Variants in PPIG observed in about 807,000 individuals in gnomAD.
PPIG encodes peptidylprolyl isomerase G.
A neutral mutation model predicts 87.9 loss-of-function variants in PPIG; 26 were observed. The ratio of observed to expected loss-of-function variants is 0.30; its 90% CI spans 0.22 to 0.41. The LOEUF is 0.41. Among genes scored for constraint, PPIG ranks in the 10% least tolerant of loss-of-function variants. The probability of loss-of-function intolerance (pLI) is 1.00; values close to 1 mark genes in which losing one functional copy is unlikely to be tolerated. For synonymous variants in PPIG, 308 were observed against 276.5 expected, an observed-to-expected ratio of 1.11 and a Z score of -1.13; for missense variants, 722 against 879.4, an observed-to-expected ratio of 0.82 and a Z score of 2.26.
rs762388907 is a variant in PPIG at position 169,631,005 on chromosome 2, C to A, written c.761+18C>A. ...AAGAAGAGGTCTTAATTTTACTTTT[C>A]TAATGCTAGCTTTATATTCTGATTT... On this transcript the variant is annotated intron_variant, in intron 10 of 13. Transcript: ENST00000260970. 1 of 1,538,366 alleles carries A rather than the reference C, an allele frequency of 6.5e-7. No homozygotes were observed. The highest frequency in any genetic ancestry group is 1.4e-5 in the African/African-American group (1 of 71,608).
chr2:169,600,424 C>T (rs1218508627), intron 1 of PPIG, among the ~76,000 whole-genome samples: 4 of 152,274 alleles, frequency 2.6e-5, no homozygotes, highest in Non-Finnish European at 1.5e-5. Flanking sequence ...GTACCTCTTA[C>T]CCAAAATGCT....
intron 9 of PPIG, among the ~76,000 whole-genome samples, chr2:169,625,937 G>C (rs762991844): frequency 9.9e-5 from 15 of 152,074 alleles, no homozygotes; most frequent in Admixed American, 2.6e-4. Context: ...AAAATCTAAT[G>C]CTGTCACTGA....
intron 1 of PPIG, among the ~76,000 whole-genome samples, chr2:169,596,420 A>C (rs960529941): frequency 6.6e-6 from 1 of 152,056 alleles, no homozygotes; most frequent in South Asian, 2.1e-4. Flanking sequence ...TTGTGTTTTG[A>C]GTGGCCTAAA....
intron 1 of PPIG, among the ~76,000 whole-genome samples, chr2:169,601,939 G>GTA (rs1685195652): frequency 1.3e-5 from 2 of 151,562 alleles, no homozygotes; most frequent in Non-Finnish European, 2.9e-5. Context: ...TTTTTGTTTA[G>GTA]TATATTTTGA....
At position 169,631,652 on chromosome 2, in the gene PPIG, G is replaced by C. The variant is rs1487955185; in HGVS notation, c.762-114G>C. On this transcript the variant is annotated intron_variant, in intron 10 of 13. Coordinates refer to ENST00000260970, the MANE Select transcript of PPIG (RefSeq NM_004792.3). Reference sequence around the variant, plus strand: ...TCCCATGCGATCACATCTTTGGTAAGGACAGGATGTTTATATTATAGTGAT... The same window carrying C: ...TCCCATGCGATCACATCTTTGGTAACGACAGGATGTTTATATTATAGTGAT... 1.5e-5 allele frequency: 23 copies of C among 1,543,510 alleles called. No individual in the cohort carries two copies. The Admixed American group carries it at 5.2e-4, about 35-fold the overall frequency.
intron 7 of PPIG, 151 bp from the exon 8 acceptor site, chr2:169,614,313 A>T: frequency 2.9e-6 from 2 of 693,538 alleles, no homozygotes; most frequent in Non-Finnish European, 4.9e-6. Context: ...TCTACTTAAG[A>T]TTGAGGTAAT....
In PPIG at chr2:169,638,747, A is replaced by G. The variant is rs566394432; in HGVS notation, c.*1224A>G. On this transcript the variant is annotated 3_prime_UTR_variant, in exon 14 of 14. Transcript: ENST00000260970. Reference sequence around the variant, plus strand: ...TAGTTTACAGAGTTAAACACTAAACATATCCAAAGTCCATTTAGAGTTTTG... The same window carrying G: ...TAGTTTACAGAGTTAAACACTAAACGTATCCAAAGTCCATTTAGAGTTTTG... 3.9e-5 allele frequency: 6 copies of G among 152,166 alleles called. No homozygotes were observed. The East Asian group carries it at 9.6e-4, about 24-fold the overall frequency. The allele number at this position is 152,166 out of a possible 1,614,324, so 9.4% of individuals were successfully genotyped here. A position where few individuals can be genotyped will look rare whatever the true frequency, so the allele number is the denominator to read the frequency against.
chr2:169,596,776 T>C (rs563719827), intron 1 of PPIG, among the ~76,000 whole-genome samples: 37 of 152,186 alleles, frequency 2.4e-4, no homozygotes, highest in Non-Finnish European at 4.7e-4. Flanking sequence ...CTCAGCTCAC[T>C]GCAACCTCTG....
At chr2:169,615,365 A>G (rs1329260119) in intron 9 of PPIG, among the ~76,000 whole-genome samples, 1 of 152,192 alleles carries the variant, frequency 6.6e-6, no homozygotes, top group African/African-American at 2.4e-5. Context: ...TCAAGAATAC[A>G]GTACATTGTT....
chr2:169,596,249 C>CA (rs1317500653), intron 1 of PPIG, among the ~76,000 whole-genome samples: 4 of 151,788 alleles, frequency 2.6e-5, no homozygotes, highest in Non-Finnish European at 4.4e-5. Context: ...GGATTACAGG[C>CA]ACACGCCATC....
intron 1 of PPIG, among the ~76,000 whole-genome samples, chr2:169,600,343 G>A (rs527448835): frequency 1.1e-4 from 17 of 152,232 alleles, no homozygotes; most frequent in Non-Finnish European, 1.6e-4. Flanking sequence ...CCAAAGGGCC[G>A]GGATTACAGG....
intron 11 of PPIG, 35 bp from the exon 12 acceptor site, chr2:169,633,125 A>T: frequency 1.1e-5 from 16 of 1,506,766 alleles, no homozygotes; most frequent in South Asian, 3.4e-5. Flanking sequence ...AAGTTTTTAA[A>T]AAAATGTGTT....
intron 5 of PPIG, among the ~76,000 whole-genome samples, chr2:169,606,630 A>G (rs1685337193): frequency 1.3e-5 from 2 of 149,798 alleles, no homozygotes; most frequent in Admixed American, 1.3e-4. Context: ...ATAGAAAATA[A>G]TTTTGCCTTT....
chr2:169,619,027 T>C (rs1685675038), intron 9 of PPIG, among the ~76,000 whole-genome samples: 1 of 152,186 alleles, frequency 6.6e-6, no homozygotes. Flanking sequence ...GTGCTATAAA[T>C]TTCCCTCGAA....
chr2:169,636,789 C>G lies in PPIG; in HGVS notation c.1531C>G (p.Gln511Glu). The change falls in exon 14 of 14, where the codon CAG (glutamine) becomes GAG (glutamate). Residue 511 changes from glutamine (Q) to glutamate (E), a missense_variant. Transcript: ENST00000260970. The part of the protein sequence containing the change: ...EKQSDSKGKD[Q>E]ERSRSKEKSK... ...GCAGTCTGATTCTAAAGGAAAAGAT[C>G]AGGAAAGGAGTAGAAGTAAAGAGAA... The G allele has an allele frequency of 1.2e-6, 2 of 1,612,128 alleles. No homozygotes were observed. Among genetic ancestry groups the G allele is most frequent in the Non-Finnish European group, 1.7e-6 (2 of 1,179,682 alleles).
At chr2:169,599,099 T>A (rs1038410532) in intron 1 of PPIG, among the ~76,000 whole-genome samples, 1 of 151,920 alleles carries the variant, frequency 6.6e-6, no homozygotes, top group African/African-American at 2.4e-5. Flanking sequence ...AGTCAGAGAG[T>A]CTTAAATGCA....
intron 1 of PPIG, among the ~76,000 whole-genome samples, chr2:169,589,542 T>C (rs1316585800): frequency 1.3e-5 from 2 of 152,242 alleles, no homozygotes; most frequent in African/African-American, 4.8e-5. Context: ...ATGATTTCAC[T>C]TAAGAGGTGG....
At chr2:169,595,801 T>C (rs11886473) in intron 1 of PPIG, among the ~76,000 whole-genome samples, 9,987 of 152,268 alleles carry the variant, frequency 0.066, 1,157 homozygotes, top group African/African-American at 0.23. Flanking sequence ...GTTTTTTGTT[T>C]TGTTTTGTTT....
intron 1 of PPIG, among the ~76,000 whole-genome samples, chr2:169,602,960 C>G (rs532611131): frequency 1.3e-5 from 2 of 152,156 alleles, no homozygotes; most frequent in South Asian, 4.2e-4. Context: ...AATTACCTTC[C>G]TAATGGTTTG....
Sources: gnomAD v4.1 joint callset for allele counts (sites outside exome capture counted in the v4.1 genomes callset) on GRCh38, gnomAD v4.1.1 for gene constraint, MANE v1.5 for transcripts, NCBI Gene and HGNC (gene_info 2026-07-23, HGNC 2026-07-21) for gene names.